GCKR: variants seen among roughly 807,000 people sequenced by gnomAD.
GCKR encodes glucokinase regulator.
GCKR carries 73 observed loss-of-function variants against 82.9 expected under a neutral mutation model. The observed-to-expected ratio is 0.88, with a 90% CI of 0.73 to 1.07. GCKR has a LOEUF of 1.07. Ranked by LOEUF, GCKR falls within the 50% of genes least tolerant of loss-of-function variation. The pLI, the probability that GCKR is intolerant of heterozygous loss-of-function variation, is 0.00. For synonymous variants in GCKR, 294 were observed against 291.8 expected (o/e 1.01, Z -0.08); for missense variants, 784 against 782.1 (o/e 1.00, Z -0.03).
In GCKR at chr2:27,506,894, C is replaced by G. The variant is rs764124898; in HGVS notation, c.1066+9C>G. On this transcript the variant is annotated intron_variant, in intron 12 of 18. Transcript: ENST00000264717. ...CCACACCTTTGGTGCTGGTGGGACC[C>G]CAGTCCAGATGTTCTTCCTGCTTCC... 6.4e-7 allele frequency: 1 copy of G among 1,550,776 alleles called. No homozygotes were observed. Among genetic ancestry groups the G allele is most frequent in the Non-Finnish European group, 8.9e-7 (1 of 1,122,232 alleles).
chr2:27,499,530 A>C, intron 7 of GCKR, 80 bp downstream of exon 7: 39 of 1,025,038 alleles, frequency 3.8e-5, no homozygotes, highest in Non-Finnish European at 5.5e-5. Context: ...AAGATAGATC[A>C]ATGAGATCGG....
chr2:27,507,312 G>T lies in GCKR; in HGVS notation c.1143+1G>T. 6.3e-7 allele frequency: 1 copy of T among 1,599,132 alleles called. No homozygotes were observed. On this transcript the variant is annotated splice_donor_variant, in intron 13 of 18. Transcript: ENST00000264717. LOFTEE classifies it high-confidence loss of function. ...CCAGAAGGCTGAGCTCACCAACCAGGTCGGAGAAGAACAGGACTTGGGGAA... is the reference window on the plus strand; with the variant it reads ...CCAGAAGGCTGAGCTCACCAACCAGTTCGGAGAAGAACAGGACTTGGGGAA...
intron 8 of GCKR, among the ~76,000 whole-genome samples, chr2:27,502,735 A>G (rs567501184): frequency 6.6e-6 from 1 of 152,340 alleles, no homozygotes; most frequent in South Asian, 2.1e-4. Context: ...AAAAAATACA[A>G]AAATAGTTCA....
intron 17 of GCKR, 28 bp downstream of exon 17, chr2:27,518,965 TG>T: frequency 5.3e-6 from 4 of 750,366 alleles, no homozygotes; most frequent in Non-Finnish European, 9.1e-6. Context: ...CAGGGTTGGG[TG>T]GGACCTGGCC....
In GCKR at chr2:27,508,045, G is replaced by A. The variant is rs1432544667; in HGVS notation, c.1309G>A (p.Ala437Thr). The A allele has an allele frequency of 3.1e-6, 5 of 1,613,524 alleles. No individual in the cohort carries two copies. The highest frequency in any genetic ancestry group is 4.2e-6 in the Non-Finnish European group (5 of 1,179,552). Residue 437 changes from alanine to threonine, a missense_variant, in exon 15 of 19, where the codon GCA (alanine) becomes ACA (threonine). Ala to Thr is a moderately conservative substitution (Grantham distance 58). Coordinates refer to ENST00000264717, the MANE Select transcript of GCKR (RefSeq NM_001486.4). ...KEKTNHIQAL[A>T]HSTVGQTLLI... ...GAAGACCAACCACATCCAGGCCCTG[G>A]CACACAGCACCGTGGGTCAGACCTT...
chr2:27,507,900 C>T lies in GCKR; in HGVS notation c.1241-77C>T. On this transcript the variant is annotated intron_variant, in intron 14 of 18. Coordinates refer to ENST00000264717, the MANE Select transcript of GCKR (RefSeq NM_001486.4). ...GGGAGGGACGGGGTGAATATCCTGA[C>T]TGGACCCCAGCCAGGGGAGCAGGAG... 3 of 1,210,066 alleles carry T rather than the reference C, an allele frequency of 2.5e-6. No individual in the cohort carries two copies. The African/African-American group carries it at 4.4e-5, about 18-fold the overall frequency. The allele number at this position is 1,210,066 out of a possible 1,614,324, so 75.0% of individuals were successfully genotyped here. A position where few individuals can be genotyped will look rare whatever the true frequency, so the allele number is the denominator to read the frequency against.
At chr2:27,508,700 A>G (rs935523428) in intron 16 of GCKR, among the ~76,000 whole-genome samples, 48 of 151,952 alleles carry the variant, frequency 3.2e-4, no homozygotes, top group Admixed American at 3.1e-3. Context: ...TTTAGTAGAG[A>G]TAGGGTTTCC....
Position 27,498,790 on chromosome 2 carries a change from G to A in GCKR, c.421G>A (p.Gly141Ser), listed in dbSNP as rs767120253. 1.4e-5 allele frequency: 23 copies of A among 1,593,878 alleles called. No homozygotes were observed. The highest frequency in any genetic ancestry group is 3.3e-5 in the South Asian group (3 of 90,664). ...KPLYTYLIAG[G>S]DRSVVASREG... ...TCTTTACACCTACCTCATTGCAGGT[G>A]GTGACAGGTAAGCCAAGTTAGCCTA... The change falls in exon 5 of 19, where the codon GGT becomes AGT. Residue 141 changes from glycine to serine, a missense_variant. Coordinates refer to ENST00000264717, the MANE Select transcript of GCKR (RefSeq NM_001486.4).
chr2:27,519,880 C>G lies in GCKR; in HGVS notation c.1572+943C>G, dbSNP rs8179239. ...GCTGGGAGGTGAGCCTCAATCCAACCTCATTACCTGAGCATGGGGAAGCGA... is the reference window on the plus strand; with the variant it reads ...GCTGGGAGGTGAGCCTCAATCCAACGTCATTACCTGAGCATGGGGAAGCGA... On this transcript the variant is annotated intron_variant, in intron 17 of 18. Transcript: ENST00000264717. Among the ~76,000 whole-genome samples, 838 of 152,134 alleles carry G rather than the reference C, an allele frequency of 5.5e-3. 8 individuals are homozygous for G. Among genetic ancestry groups the G allele is most frequent in the South Asian group, 0.014 (69 of 4,808 alleles).
chr2:27,516,703 GTGTTAATGGTGTTAA>G (rs1670019522), intron 16 of GCKR, among the ~76,000 whole-genome samples: 1 of 152,082 alleles, frequency 6.6e-6, no homozygotes, highest in African/African-American at 2.4e-5. Context: ...AAATATTTTT[GTGTTAATGGTGTTAA>G]TGTTAATGGT....
At chr2:27,501,934 T>TA in intron 8 of GCKR, 1 of 332,906 alleles carries the variant, frequency 3.0e-6, no homozygotes, top group East Asian at 9.9e-5. Flanking sequence ...TTTGTAGGTT[T>TA]GGAGTAAGGC....
rs776142855 is a variant in GCKR, at chr2:27,507,777, G to T, written c.1240G>T (p.Asp414Tyr). The T allele has an allele frequency of 1.3e-6, 2 of 1,548,154 alleles. No homozygotes were observed. Among genetic ancestry groups the T allele is most frequent in the East Asian group, 4.5e-5 (2 of 44,572 alleles). Residue 414 changes from aspartate (D) to tyrosine (Y), a missense_variant and splice_region_variant, in exon 14 of 19, where the codon GAC becomes TAC. Physicochemically the swap from Asp to Tyr is radical, Grantham distance 160 (BLOSUM62 -3). Transcript: ENST00000264717. ...TGTGGTCTTCATTTTCACCCTGGAT[G>T]GTGAGAGGGAAGATGGGAGTGGTGA... ...DTVVFIFTLD[D>Y]NLTEVQTIVE...
rs146855458 is a variant in GCKR at position 27,497,256 on chromosome 2, G to A, written c.73G>A (p.Glu25Lys). 5.9e-5 allele frequency: 96 copies of A among 1,614,052 alleles called. No individual in the cohort carries two copies. The highest frequency in any genetic ancestry group is 1.7e-4 in the Admixed American group (10 of 60,004). ...CTCTTCCTTCTAGTTGTCTGGGTAC[G>A]AGGCAGCTGTGCCAATCACGGAGAA... ...EPGKWELSGY[E>K]AAVPITEKSN... Residue 25 changes from glutamate to lysine, a missense_variant, in exon 2 of 19, where the codon GAG becomes AAG. Glu to Lys is a moderately conservative substitution (Grantham distance 56). Transcript: ENST00000264717.
chr2:27,514,255 A>G (rs1017185654), intron 16 of GCKR, among the ~76,000 whole-genome samples: 7 of 149,372 alleles, frequency 4.7e-5, no homozygotes, highest in Non-Finnish European at 8.9e-5. Context: ...GTGTCTGCGT[A>G]TATATATATA....
chr2:27,514,988 TG>T (rs1162829050), intron 16 of GCKR, among the ~76,000 whole-genome samples: 1 of 152,154 alleles, frequency 6.6e-6, no homozygotes, highest in Admixed American at 6.6e-5. Context: ...TTATTATTAT[TG>T]TTTTTTGAGA....
At chr2:27,518,139 G>A (rs1355037826) in intron 16 of GCKR, among the ~76,000 whole-genome samples, 3 of 152,102 alleles carry the variant, frequency 2.0e-5, no homozygotes, top group Admixed American at 1.3e-4. Flanking sequence ...TCCACCTCCC[G>A]GGTTCAAGTG....
At chr2:27,518,127 C>T (rs1315203495) in intron 16 of GCKR, among the ~76,000 whole-genome samples, 2 of 152,216 alleles carry the variant, frequency 1.3e-5, no homozygotes, top group African/African-American at 2.4e-5. Context: ...CTCACTGCAA[C>T]CTCCACCTCC....
intron 9 of GCKR, among the ~76,000 whole-genome samples, chr2:27,505,147 A>G (rs1265293188): frequency 1.4e-5 from 2 of 141,892 alleles, no homozygotes; most frequent in African/African-American, 2.7e-5. Flanking sequence ...AAAAAAAAAA[A>G]GCACTTTGGG....
Position 27,505,836 on chromosome 2 carries a change from G to C in GCKR, c.869G>C (p.Arg290Thr), listed in dbSNP as rs566186473. The change falls in exon 10 of 19, where the codon AGA becomes ACA. Residue 290 changes from arginine (R) to threonine (T), a missense_variant and splice_region_variant. Arg to Thr is a moderately conservative substitution (Grantham distance 71). Coordinates refer to ENST00000264717, the MANE Select transcript of GCKR (RefSeq NM_001486.4). ...GACCAGGGCATTGCAGCATCTCAAA[G>C]GTAGGGAGGATCTGGATAAGAGAGA... ...TVDQGIAASQ[R>T]CLLEILRTFE... 1.4e-6 allele frequency: 2 copies of C among 1,462,812 alleles called. No homozygotes were observed. Among genetic ancestry groups the C allele is most frequent in the Non-Finnish European group, 9.6e-7 (1 of 1,041,720 alleles). The allele number at this position is 1,462,812 out of a possible 1,614,324, so 90.6% of individuals were successfully genotyped here. A position where few individuals can be genotyped will look rare whatever the true frequency, so the allele number is the denominator to read the frequency against.
Sources: allele counts gnomAD v4.1 joint callset (sites outside exome capture counted in the v4.1 genomes callset), GRCh38; gene constraint gnomAD v4.1.1; transcripts MANE v1.5; gene names NCBI Gene and HGNC (gene_info 2026-07-23, HGNC 2026-07-21).